TNC: variants seen among roughly 807,000 people sequenced by gnomAD.
TNC encodes the protein tenascin C.
TNC carries 109 observed loss-of-function variants against 202.4 expected under a neutral mutation model. The observed-to-expected ratio is 0.54, with a 90% CI of 0.46 to 0.63. The LOEUF (loss-of-function observed/expected upper bound fraction) is 0.63, where lower values mean the gene tolerates loss of function less well. Among genes scored for constraint, TNC ranks in the 30% least tolerant of loss-of-function variants. TNC has a pLI of 0.00. For synonymous variants in TNC, 1,007 were observed against 1,089.7 expected (o/e 0.92, Z 1.50); for missense variants, 2,756 against 2,833.3 (o/e 0.97, Z 0.62).
chr9:115,111,399 C>CTTTTTTTTTTTTTTTTT (rs71375272), intron 1 of TNC, among the ~76,000 whole-genome samples: 9 of 71,360 alleles, frequency 1.3e-4, no homozygotes, highest in African/African-American at 5.4e-4. Context: ...CTCTCTCTCT[C>CTTTTTTTTTTTTTTTTT]TTTTTTTTTT....
At chr9:115,090,229 G>T (rs772110402) in intron 2 of TNC, among the ~76,000 whole-genome samples, 1 of 152,062 alleles carries the variant, frequency 6.6e-6, no homozygotes. Flanking sequence ...ATTTCATGGC[G>T]TACTCATAGG....
At chr9:115,061,524 C>G (rs1832546178) in intron 13 of TNC, among the ~76,000 whole-genome samples, 1 of 152,176 alleles carries the variant, frequency 6.6e-6, no homozygotes, top group African/African-American at 2.4e-5. Context: ...GCCCTTTTTG[C>G]TCTTGTTTGA....
chr9:115,054,949 C>T (rs1218320214), intron 15 of TNC, among the ~76,000 whole-genome samples: 2 of 152,162 alleles, frequency 1.3e-5, no homozygotes, highest in African/African-American at 4.8e-5. Context: ...CAAGATAAGA[C>T]TACTGGGTCC....
At position 115,078,069 on chromosome 9, in the gene TNC, C is replaced by T. The variant is rs3748169; in HGVS notation, c.2548G>A (p.Asp850Asn). ...KDVPGDRTTI[D>N]LTEDENQYSI... ...TACTGGTTCTCGTCCTCTGTGAGAT[C>T]GATGGTGGTACGGTCTCCTGGCACG... Residue 850 changes from aspartate (D) to asparagine (N), a missense_variant, in exon 7 of 28, where the codon GAT becomes AAT. Transcript: ENST00000350763. 8 of 1,613,878 alleles carry T rather than the reference C, an allele frequency of 5.0e-6. No individual in the cohort carries two copies. Among genetic ancestry groups the T allele is most frequent in the South Asian group, 3.3e-5 (3 of 91,076 alleles).
rs568358955 is a variant in TNC, at chr9:115,052,423, A to G, written c.4580-3891T>C. On this transcript the variant is annotated intron_variant, in intron 15 of 27. Transcript: ENST00000350763. ...GACTGGCCATAGTTAATAATAACAT[A>G]TTGAATACTTCAAAATTCCTAAAAG... Among the ~76,000 whole-genome samples, 15 of 151,998 alleles carry G rather than the reference A, an allele frequency of 9.9e-5. No homozygotes were observed. In the South Asian group the frequency reaches 2.5e-3, roughly 25 times the overall value.
intron 10 of TNC, among the ~76,000 whole-genome samples, chr9:115,065,870 C>T (rs1478831130): frequency 7.5e-6 from 1 of 133,214 alleles, no homozygotes; most frequent in Non-Finnish European, 1.5e-5. Context: ...TCATTGCACT[C>T]TAGCCTGGGT....
intron 16 of TNC, 122 bp from the exon 17 acceptor site, chr9:115,046,804 G>A (rs1458529478): frequency 9.0e-7 from 1 of 1,117,284 alleles, no homozygotes; most frequent in Non-Finnish European, 1.3e-6. Context: ...AGATAGAAGT[G>A]TCCTGAGATA....
intron 22 of TNC, 80 bp downstream of exon 22, chr9:115,035,124 C>T (rs1830221608): frequency 6.9e-7 from 1 of 1,457,964 alleles, no homozygotes. Context: ...AGAAAAACAG[C>T]ATCAGGTAAT....
rs1289077357 is a variant in TNC at position 115,020,485 on chromosome 9, T to C, written c.*672A>G. 4.0e-5 allele frequency: 8 copies of C among 199,566 alleles called. No homozygotes were observed. The highest frequency in any genetic ancestry group is 7.2e-5 in the Non-Finnish European group (7 of 97,406). The allele number at this position is 199,566 out of a possible 1,614,324, so 12.4% of individuals were successfully genotyped here. On this transcript the variant is annotated 3_prime_UTR_variant, in exon 28 of 28. Coordinates refer to ENST00000350763, the MANE Select transcript of TNC (RefSeq NM_002160.4). ...AACATTCCCCGCTTTGTTCAAATGATTGGCTTTGGTGAAATTCAGACTCAA... is the reference window on the plus strand; with the variant it reads ...AACATTCCCCGCTTTGTTCAAATGACTGGCTTTGGTGAAATTCAGACTCAA...
intron 1 of TNC, among the ~76,000 whole-genome samples, chr9:115,102,116 T>C (rs1246296729): frequency 6.6e-6 from 1 of 152,178 alleles, no homozygotes; most frequent in East Asian, 1.9e-4. Context: ...ATAGAGTCTT[T>C]ACATGGCTTG....
intron 7 of TNC, among the ~76,000 whole-genome samples, chr9:115,077,625 T>C (rs906254224): frequency 6.6e-6 from 1 of 152,264 alleles, no homozygotes; most frequent in African/African-American, 2.4e-5. Context: ...TTGTCATATA[T>C]GTTTTCCATA....
At chr9:115,108,863 T>G (rs1836823023) in intron 1 of TNC, among the ~76,000 whole-genome samples, 1 of 152,244 alleles carries the variant, frequency 6.6e-6, no homozygotes, top group Admixed American at 6.5e-5. Flanking sequence ...ATCTTGATCT[T>G]GGACTTCCCA....
At chr9:115,055,076 C>G (rs1832004371) in intron 15 of TNC, among the ~76,000 whole-genome samples, 1 of 148,174 alleles carries the variant, frequency 6.7e-6, no homozygotes, top group Admixed American at 6.7e-5. Flanking sequence ...ACCAAGTCAC[C>G]AGAAATGGCA....
intron 7 of TNC, among the ~76,000 whole-genome samples, 163 bp downstream of exon 7, chr9:115,077,776 AAATT>A (rs1389790929): frequency 6.6e-6 from 1 of 152,188 alleles, no homozygotes; most frequent in African/African-American, 2.4e-5. Context: ...TTTTTTTGAA[AAATT>A]AATTAATAAA....
chr9:115,105,388 C>T (rs575074127), intron 1 of TNC, among the ~76,000 whole-genome samples: 35 of 152,274 alleles, frequency 2.3e-4, no homozygotes, highest in African/African-American at 8.4e-4. Context: ...TGGATTATCT[C>T]ATTGAATCCT....
intron 15 of TNC, among the ~76,000 whole-genome samples, chr9:115,052,337 G>C (rs1331086408): frequency 6.6e-6 from 1 of 151,946 alleles, no homozygotes; most frequent in African/African-American, 2.4e-5. Context: ...TGTTGGTCAA[G>C]GAGTACAAAG....
At chr9:115,084,082 T>C (rs1274020726) in intron 4 of TNC, 127 bp downstream of exon 4, 12 of 1,035,422 alleles carry the variant, frequency 1.2e-5, no homozygotes, top group Non-Finnish European at 1.5e-5. Flanking sequence ...TGGACTTAAT[T>C]CTAGGCTCTT....
chr9:115,024,893 G>A (rs542160803), intron 26 of TNC, among the ~76,000 whole-genome samples: 109 of 152,236 alleles, frequency 7.2e-4, no homozygotes, highest in Non-Finnish European at 1.3e-3. Context: ...TCCCAATCCA[G>A]ACAAGTGCTG....
At chr9:115,068,401 A>G (rs1451824492) in intron 10 of TNC, among the ~76,000 whole-genome samples, 1 of 152,220 alleles carries the variant, frequency 6.6e-6, no homozygotes. Flanking sequence ...ACCATCTTCT[A>G]GATAGTGATT....
Sources: gnomAD v4.1 joint callset for allele counts (sites outside exome capture counted in the v4.1 genomes callset) on GRCh38, gnomAD v4.1.1 for gene constraint, MANE v1.5 for transcripts, NCBI Gene and HGNC (gene_info 2026-07-23, HGNC 2026-07-21) for gene names.